Variants in SLC2A13 observed in about 807,000 individuals in gnomAD.
The protein encoded by SLC2A13 is proton myo-inositol cotransporter.
Under a neutral mutation model 64.4 loss-of-function variants are expected in SLC2A13, and 32 were observed. The ratio of observed to expected loss-of-function variants is 0.50; its 90% CI spans 0.37 to 0.67. SLC2A13 has a LOEUF of 0.67. SLC2A13 is among the 30% of genes least tolerant of loss of function. The pLI, the probability that SLC2A13 is intolerant of heterozygous loss-of-function variation, is 0.00. For missense variants in SLC2A13, 743 were observed against 829.2 expected (o/e 0.90, Z 1.28); for synonymous variants, 338 against 327.1 (o/e 1.03, Z -0.36).
At chr12:40,102,885 C>T (rs756523415) in intron 1 of SLC2A13, among the ~76,000 whole-genome samples, 1 of 152,092 alleles carries the variant, frequency 6.6e-6, no homozygotes, top group African/African-American at 2.4e-5. Flanking sequence ...TAATTTTAAT[C>T]CTAATTTGAA....
At chr12:39,955,250 T>C (rs28370688) in intron 3 of SLC2A13, among the ~76,000 whole-genome samples, 366 of 152,206 alleles carry the variant, frequency 2.4e-3, no homozygotes, top group African/African-American at 8.5e-3. Context: ...GGAAACTAAA[T>C]AACACATTTC....
intron 7 of SLC2A13, among the ~76,000 whole-genome samples, chr12:39,772,106 C>T (rs1940601392): frequency 6.6e-6 from 1 of 152,096 alleles, no homozygotes; most frequent in Admixed American, 6.6e-5. Context: ...TCATATAGTG[C>T]TCTGTATGGT....
chr12:39,898,705 T>G (rs1366276359), intron 4 of SLC2A13, among the ~76,000 whole-genome samples: 1 of 152,156 alleles, frequency 6.6e-6, no homozygotes, highest in Non-Finnish European at 1.5e-5. Flanking sequence ...AATCTCCCAT[T>G]TGACTGCTCA....
intron 7 of SLC2A13, among the ~76,000 whole-genome samples, chr12:39,812,112 G>A (rs1942179716): frequency 6.6e-6 from 1 of 152,124 alleles, no homozygotes; most frequent in South Asian, 2.1e-4. Flanking sequence ...TGGAGGCTGG[G>A]AAGTCCAAGA....
At chr12:39,817,941 T>C (rs1277970313) in intron 7 of SLC2A13, among the ~76,000 whole-genome samples, 2 of 152,214 alleles carry the variant, frequency 1.3e-5, no homozygotes, top group African/African-American at 2.4e-5. Flanking sequence ...CTTGAACTTG[T>C]CTAGGTCTGC....
At chr12:40,082,673 A>G (rs1592068758) in intron 1 of SLC2A13, among the ~76,000 whole-genome samples, 1 of 152,140 alleles carries the variant, frequency 6.6e-6, no homozygotes, top group African/African-American at 2.4e-5. Flanking sequence ...AAGGATGAGC[A>G]CCCATGACTA....
intron 1 of SLC2A13, among the ~76,000 whole-genome samples, chr12:40,104,061 A>G (rs1057035121): frequency 1.3e-5 from 2 of 152,174 alleles, no homozygotes; most frequent in African/African-American, 4.8e-5. Context: ...TCCCTTCAGA[A>G]CCCACAGAGA....
chr12:40,088,232 G>GA (rs1024583092), intron 1 of SLC2A13, among the ~76,000 whole-genome samples: 10 of 152,094 alleles, frequency 6.6e-5, no homozygotes, highest in Admixed American at 4.6e-4. Context: ...CTCAAAAGAA[G>GA]AAAAAATTGC....
chr12:39,893,742 C>T (rs968831099), intron 4 of SLC2A13, among the ~76,000 whole-genome samples: 7 of 152,256 alleles, frequency 4.6e-5, no homozygotes, highest in African/African-American at 1.7e-4. Flanking sequence ...GTCTTAGTTT[C>T]TTCATTTTCA....
intron 6 of SLC2A13, among the ~76,000 whole-genome samples, chr12:39,854,906 T>C (rs1018260857): frequency 1.3e-5 from 2 of 152,228 alleles, no homozygotes; most frequent in African/African-American, 2.4e-5. Context: ...CAACTCACCA[T>C]TGAAAAATCA....
chr12:39,933,070 A>G (rs935745287), intron 4 of SLC2A13, among the ~76,000 whole-genome samples: 1 of 152,032 alleles, frequency 6.6e-6, no homozygotes, highest in Non-Finnish European at 1.5e-5. Flanking sequence ...TACCAAAAAA[A>G]ATACAAAAAT....
intron 7 of SLC2A13, among the ~76,000 whole-genome samples, chr12:39,773,540 C>CATTT (rs1940662934): frequency 1.3e-5 from 2 of 152,322 alleles, no homozygotes; most frequent in South Asian, 4.1e-4. Flanking sequence ...ACCTCTCCAT[C>CATTT]ATTTATCTTT....
intron 1 of SLC2A13, among the ~76,000 whole-genome samples, chr12:40,078,784 T>A (rs1190014359): frequency 2.6e-5 from 4 of 152,128 alleles, no homozygotes; most frequent in Non-Finnish European, 4.4e-5. Context: ...GGTTGGTAGG[T>A]TTTTTATTAC....
chr12:39,852,330 T>G (rs1943491073), intron 6 of SLC2A13, among the ~76,000 whole-genome samples: 1 of 152,192 alleles, frequency 6.6e-6, no homozygotes, highest in Admixed American at 6.5e-5. Flanking sequence ...CCACACAAAT[T>G]ATGACTGTAA....
rs538771257 is a variant in SLC2A13, at chr12:39,978,447, C to T, written c.926-27082G>A. 9.3e-4 allele frequency among the ~76,000 whole-genome samples: 141 copies of T among 152,228 alleles called. 1 individual carries two copies. The highest frequency in any genetic ancestry group is 3.1e-3 in the African/African-American group (129 of 41,532). On this transcript the variant is annotated intron_variant, in intron 3 of 9. Transcript: ENST00000280871. ...ACACTGGGGAGTGCCAGACAGTGGG[C>T]GCAGGCCAGTGGGTGCGCGCACCGT... is the stretch of plus-strand genomic sequence containing the variant.
intron 4 of SLC2A13, among the ~76,000 whole-genome samples, chr12:39,945,910 GT>G (rs771313748): frequency 0.078 from 8,702 of 111,976 alleles, 382 homozygotes; most frequent in Admixed American, 0.18. Flanking sequence ...GTGATTTTTT[GT>G]GGGGGGGTGT....
rs1224016985 is a variant in SLC2A13, at chr12:39,764,758, A to G, written c.1546T>C (p.Tyr516His). The stretch of plus-strand genomic sequence containing the variant: ...TTACCAGGTGCAAAGAAGACAAGAT[A>G]TAAAATAAGGCCCAGAAGTGCAGTC... ...SWTALLGLILYLVFFAPGMGP... is the reference protein window; with the variant it reads ...SWTALLGLILHLVFFAPGMGP... Residue 516 changes from tyrosine (Y) to histidine (H), a missense_variant, in exon 8 of 10, where the codon TAT becomes CAT. Tyr to His is a moderately conservative substitution (Grantham distance 83). Transcript: ENST00000280871. 4.3e-6 allele frequency: 7 copies of G among 1,612,692 alleles called. No individual in the cohort carries two copies. In the Admixed American group the frequency reaches 1.2e-4, roughly 27 times the overall value.
intron 2 of SLC2A13, among the ~76,000 whole-genome samples, chr12:40,032,375 A>G (rs10877971): frequency 0.067 from 10,273 of 152,282 alleles, 694 homozygotes; most frequent in East Asian, 0.39. Flanking sequence ...CTTTACCATC[A>G]TGATCACTCA....
At chr12:39,760,728 C>A (rs962200305) in intron 9 of SLC2A13, among the ~76,000 whole-genome samples, 2 of 151,892 alleles carry the variant, frequency 1.3e-5, no homozygotes, top group African/African-American at 4.8e-5. Context: ...TCCATGAAGT[C>A]AGAGAATTTT....
Sources: allele counts gnomAD v4.1 joint callset (sites outside exome capture counted in the v4.1 genomes callset), GRCh38; gene constraint gnomAD v4.1.1; transcripts MANE v1.5; gene names NCBI Gene and HGNC (gene_info 2026-07-23, HGNC 2026-07-21).